Variants in SLC8A1 observed in about 807,000 individuals in gnomAD.
SLC8A1 encodes the protein solute carrier family 8 member A1, also known as sodium/calcium exchanger 1.
Under a neutral mutation model 68.3 loss-of-function variants are expected in SLC8A1, and 18 were observed. The observed-to-expected ratio is 0.26, with a 90% CI of 0.18 to 0.39. The LOEUF (loss-of-function observed/expected upper bound fraction) is 0.39, where lower values mean the gene tolerates loss of function less well. Ranked by LOEUF, SLC8A1 falls within the 10% of genes least tolerant of loss-of-function variation. The pLI is 1.00. For missense variants in SLC8A1, 985 were observed against 1,156.7 expected, an observed-to-expected ratio of 0.85 and a Z score of 2.15; for synonymous variants, 475 against 415.5, an observed-to-expected ratio of 1.14 and a Z score of -1.74.
chr2:40,462,408 A>G (rs1703402365), intron 1 of SLC8A1, among the ~76,000 whole-genome samples: 1 of 151,972 alleles, frequency 6.6e-6, no homozygotes, highest in Admixed American at 6.6e-5. Flanking sequence ...ATAACATTCT[A>G]TTTATATATG....
intron 2 of SLC8A1, among the ~76,000 whole-genome samples, chr2:40,297,602 A>G (rs542579765): frequency 6.6e-6 from 1 of 152,334 alleles, no homozygotes; most frequent in East Asian, 1.9e-4. Context: ...CATTTTCATT[A>G]CTTATCTAAA....
At chr2:40,326,124 A>C (rs549240627) in intron 2 of SLC8A1, among the ~76,000 whole-genome samples, 6 of 152,090 alleles carry the variant, frequency 3.9e-5, no homozygotes, top group Non-Finnish European at 8.8e-5. Context: ...GATTTTTCAG[A>C]CAGGCCTAGG....
intron 7 of SLC8A1, among the ~76,000 whole-genome samples, chr2:40,129,516 G>T (rs760915629): frequency 3.3e-5 from 5 of 152,130 alleles, no homozygotes; most frequent in Non-Finnish European, 5.9e-5. Context: ...GATTACAGAC[G>T]TGAGCCAGCA....
At chr2:40,375,318 T>C (rs936640497) in intron 2 of SLC8A1, among the ~76,000 whole-genome samples, 9 of 152,128 alleles carry the variant, frequency 5.9e-5, no homozygotes, top group African/African-American at 1.7e-4. Context: ...GTAATATTTA[T>C]CTTCCTGTTG....
chr2:40,430,573 G>T (rs1698052220), intron 1 of SLC8A1, among the ~76,000 whole-genome samples: 2 of 152,122 alleles, frequency 1.3e-5, no homozygotes, highest in Admixed American at 6.6e-5. Context: ...CATTCACTGA[G>T]CAAGATACAC....
At chr2:40,277,798 A>ATATATATATATATATATATGTGTG (rs1559066404) in intron 2 of SLC8A1, among the ~76,000 whole-genome samples, 6 of 38,260 alleles carry the variant, frequency 1.6e-4, no homozygotes, top group African/African-American at 1.1e-3. Flanking sequence ...ATGTGTGTAT[A>ATATATATATATATATATATGTGTG]TATATATATA....
intron 2 of SLC8A1, among the ~76,000 whole-genome samples, chr2:40,279,961 A>C (rs554024246): frequency 6.6e-6 from 1 of 152,298 alleles, no homozygotes; most frequent in South Asian, 2.1e-4. Context: ...TTCTGATTTT[A>C]AAAATTCTGA....
intron 2 of SLC8A1, among the ~76,000 whole-genome samples, chr2:40,281,656 A>G (rs187284140): frequency 1.3e-5 from 2 of 152,356 alleles, no homozygotes; most frequent in African/African-American, 2.4e-5. Flanking sequence ...CAGGCAACTT[A>G]CAAAGAAAAG....
At position 40,428,767 on chromosome 2, in the gene SLC8A1, G is replaced by T. The variant is rs768910598; in HGVS notation, c.1514C>A (p.Ser505Ter). Residue 505 changes from serine (S) to a stop codon, truncating the protein, a stop_gained, in exon 2 of 8, where the codon TCA becomes TAA. Coordinates refer to ENST00000406785, the Ensembl canonical transcript of SLC8A1. LOFTEE classifies it high-confidence loss of function. The stretch of plus-strand genomic sequence containing the variant: ...ATTGGCTTCCAGTATGCCATCTTCT[G>T]AAGCTTCAGAAGATACTTTGACATT... 6.2e-7 allele frequency: 1 copy of T among 1,613,806 alleles called. No individual in the cohort carries two copies. The highest frequency in any genetic ancestry group is 8.5e-7 in the Non-Finnish European group (1 of 1,179,908).
At chr2:40,246,013 G>A (rs1000002747) in intron 2 of SLC8A1, among the ~76,000 whole-genome samples, 3 of 152,224 alleles carry the variant, frequency 2.0e-5, no homozygotes, top group Admixed American at 1.3e-4. Flanking sequence ...TAATCATTAT[G>A]CCATATGACC....
intron 2 of SLC8A1, among the ~76,000 whole-genome samples, chr2:40,352,991 C>T (rs1671584803): frequency 6.6e-6 from 1 of 152,154 alleles, no homozygotes; most frequent in Non-Finnish European, 1.5e-5. Context: ...GGAAGGTCCA[C>T]ACCCCAGCCT....
chr2:40,387,374 G>A (rs2149582314), intron 2 of SLC8A1, among the ~76,000 whole-genome samples: 1 of 151,414 alleles, frequency 6.6e-6, no homozygotes, highest in South Asian at 2.1e-4. Flanking sequence ...TTCACACAGG[G>A]GTAGGATGGG....
chr2:40,406,437 T>C (rs377021344), intron 2 of SLC8A1, among the ~76,000 whole-genome samples: 1 of 152,198 alleles, frequency 6.6e-6, no homozygotes, highest in South Asian at 2.1e-4. Context: ...ATAATGGATG[T>C]ATAATAAATA....
intron 2 of SLC8A1, among the ~76,000 whole-genome samples, chr2:40,366,616 A>G (rs7594786): frequency 0.56 from 85,075 of 151,838 alleles, 24,244 homozygotes; most frequent in Admixed American, 0.64. Context: ...AGAGGATTAT[A>G]TAACTCGCTC....
At chr2:40,421,917 TGGA>T (rs928206655) in intron 2 of SLC8A1, among the ~76,000 whole-genome samples, 2 of 152,158 alleles carry the variant, frequency 1.3e-5, no homozygotes, top group East Asian at 1.9e-4. Context: ...GAGGAGGCAA[TGGA>T]GGAGATTTCC....
At chr2:40,167,586 G>A (rs1402373519) in intron 4 of SLC8A1, among the ~76,000 whole-genome samples, 1 of 152,150 alleles carries the variant, frequency 6.6e-6, no homozygotes, top group Non-Finnish European at 1.5e-5. Context: ...AAGGCACACT[G>A]TTTCTATCAT....
chr2:40,402,492 G>A (rs146246436), intron 2 of SLC8A1, among the ~76,000 whole-genome samples: 75 of 152,288 alleles, frequency 4.9e-4, no homozygotes, highest in Non-Finnish European at 9.1e-4. Flanking sequence ...TTCACTTTAT[G>A]TATTTGCCCC....
intron 7 of SLC8A1, chr2:40,118,610 T>TTTTG (rs2036062845): frequency 5.9e-5 from 2 of 34,178 alleles, no homozygotes; most frequent in Middle Eastern, 0.01. Flanking sequence ...AAAGGAAGTT[T>TTTTG]TTTTTTTTTT....
At chr2:40,298,242 T>C (rs1156855064) in intron 2 of SLC8A1, among the ~76,000 whole-genome samples, 1 of 152,154 alleles carries the variant, frequency 6.6e-6, no homozygotes, top group Non-Finnish European at 1.5e-5. Flanking sequence ...GTGTGGGTGA[T>C]AAAAATTGGG....
Sources: allele counts gnomAD v4.1 joint callset (sites outside exome capture counted in the v4.1 genomes callset), GRCh38; gene constraint gnomAD v4.1.1; transcripts MANE v1.5; gene names NCBI Gene and HGNC (gene_info 2026-07-23, HGNC 2026-07-21).